The following HTR2C variants were observed in gnomAD, a reference collection of about 807,000 sequenced individuals.
HTR2C encodes the protein 5-hydroxytryptamine receptor 2C, also known as 5-hydroxytryptamine (serotonin) receptor 2C, G protein-coupled.
A neutral mutation model predicts 21.0 loss-of-function variants in HTR2C; 5 were observed. The observed-to-expected ratio is 0.24, with a 90% CI of 0.12 to 0.50. HTR2C has a LOEUF of 0.50. Ranked by LOEUF, HTR2C falls within the 20% of genes least tolerant of loss-of-function variation. HTR2C has a pLI of 0.98. For synonymous variants in HTR2C, 150 were observed against 145.3 expected (o/e 1.03, Z -0.23); for missense variants, 271 against 371.2 (o/e 0.73, Z 2.22).
chrX:114,677,954 C>CT (rs369562089), intron 2 of HTR2C, among the ~76,000 whole-genome samples: 3,012 of 107,431 alleles, frequency 0.028, 115 homozygotes, highest in African/African-American at 0.097. Context: ...CTAAAGCACT[C>CT]TTTTTTTTTT....
intron 4 of HTR2C, among the ~76,000 whole-genome samples, chrX:114,782,739 G>C (rs935345367): frequency 1.5e-4 from 17 of 110,797 alleles, no homozygotes; most frequent in Non-Finnish European, 2.6e-4. Flanking sequence ...TGTCAAAATA[G>C]TGTCGTAAGT....
intron 5 of HTR2C, among the ~76,000 whole-genome samples, chrX:114,871,979 C>G (rs1556476647): frequency 1.1e-5 from 1 of 94,603 alleles, no homozygotes; most frequent in African/African-American, 3.6e-5. Context: ...CCTTATAATA[C>G]AGTTTATTTG....
intron 2 of HTR2C, among the ~76,000 whole-genome samples, chrX:114,644,519 A>G (rs1186957034): frequency 9.9e-6 from 1 of 101,032 alleles, no homozygotes; most frequent in Non-Finnish European, 2.0e-5. Context: ...GATTACTAGA[A>G]CCATTGCATT....
chrX:114,672,133 G>A lies in HTR2C; in HGVS notation c.-79-54725G>A, dbSNP rs6644067. 2.9e-3 allele frequency among the ~76,000 whole-genome samples: 329 copies of A among 112,218 alleles called. 5 individuals are homozygous for A. In the East Asian group the frequency reaches 0.041, roughly 14 times the overall value. The stretch of plus-strand genomic sequence containing the variant: ...GAGCATTTGCCTTTATAAGAGAGAA[G>A]TGCTAAATCTGAAAAGTAGAGTAAC... On this transcript the variant is annotated intron_variant, in intron 2 of 5. Coordinates refer to ENST00000276198, the MANE Select transcript of HTR2C (RefSeq NM_000868.4).
At chrX:114,688,320 CAAA>C (rs61292601) in intron 2 of HTR2C, among the ~76,000 whole-genome samples, 12 of 77,559 alleles carry the variant, frequency 1.5e-4, no homozygotes, top group Admixed American at 1.5e-4. Flanking sequence ...GACTCCATCT[CAAA>C]AAAAAAAAAA....
intron 4 of HTR2C, among the ~76,000 whole-genome samples, chrX:114,767,979 T>C (rs931371497): frequency 3.1e-4 from 34 of 110,528 alleles, no homozygotes; most frequent in Non-Finnish European, 5.5e-4. Flanking sequence ...CCACTAAACA[T>C]TATAGTATAA....
At chrX:114,887,817 C>T (rs1208098957) in intron 5 of HTR2C, among the ~76,000 whole-genome samples, 13 of 110,064 alleles carry the variant, frequency 1.2e-4, no homozygotes, top group African/African-American at 4.0e-4. Flanking sequence ...GTCAGGAGTT[C>T]GAGACCAGCC....
Position 114,604,469 on chromosome X carries a change from A to T in HTR2C, c.-146-9346A>T, listed in dbSNP as rs937972146. ...GTGGGTAGCCTCCGTATTGATTAAG[A>T]AGGTAATCACTTACCTTCCACTGTG... On this transcript the variant is annotated intron_variant, in intron 1 of 5. Transcript: ENST00000276198. Among the ~76,000 whole-genome samples the T allele has an allele frequency of 1.8e-3, 202 of 110,113 alleles. 1 individual carries two copies. The highest frequency in any genetic ancestry group is 2.7e-3 in the Non-Finnish European group (142 of 52,670).
At chrX:114,752,882 TA>T (rs372327141) in intron 4 of HTR2C, among the ~76,000 whole-genome samples, 5 of 106,832 alleles carry the variant, frequency 4.7e-5, no homozygotes, top group South Asian at 8.0e-4. Context: ...TAGGCTCATC[TA>T]AAAAAAAAAC....
At chrX:114,747,905 T>A (rs1200337251) in intron 4 of HTR2C, among the ~76,000 whole-genome samples, 2 of 112,246 alleles carry the variant, frequency 1.8e-5, no homozygotes, top group African/African-American at 6.5e-5. Context: ...GCTGACACCT[T>A]GATTGCAGCC....
chrX:114,852,848 C>T (rs184690038), intron 5 of HTR2C, among the ~76,000 whole-genome samples: 2 of 108,808 alleles, frequency 1.8e-5, no homozygotes, highest in Admixed American at 9.9e-5. Context: ...TGTGCGCGCG[C>T]GCGTGCATGT....
intron 1 of HTR2C, among the ~76,000 whole-genome samples, chrX:114,601,990 A>T (rs1602627908): frequency 9.8e-6 from 1 of 102,554 alleles, no homozygotes; most frequent in African/African-American, 3.6e-5. Context: ...ATGGTTTTGG[A>T]TGAATTGAAA....
chrX:114,601,226 G>A lies in HTR2C; in HGVS notation c.-146-12589G>A, dbSNP rs782015401. ...AGCAAGAAGACAGTTGAGAGGAAGA[G>A]ATAGGCTTGCAAATCAAGGTACAGA... is the stretch of plus-strand genomic sequence containing the variant. On this transcript the variant is annotated intron_variant, in intron 1 of 5. Transcript: ENST00000276198. Among the ~76,000 whole-genome samples the A allele has an allele frequency of 6.3e-5, 7 of 111,351 alleles. No individual in the cohort carries two copies. In the South Asian group the frequency reaches 2.6e-3, roughly 42 times the overall value.
At chrX:114,626,985 C>T (rs1403099384) in intron 2 of HTR2C, among the ~76,000 whole-genome samples, 1 of 111,578 alleles carries the variant, frequency 9.0e-6, no homozygotes, top group Non-Finnish European at 1.9e-5. Flanking sequence ...GTTATGATAT[C>T]ATGGCCTACA....
intron 2 of HTR2C, among the ~76,000 whole-genome samples, chrX:114,688,458 A>C (rs1165571714): frequency 8.9e-6 from 1 of 111,971 alleles, no homozygotes; most frequent in Non-Finnish European, 1.9e-5. Context: ...ATAAACATAC[A>C]TAAGCAACCA....
chrX:114,622,458 A>G (rs782315305), intron 2 of HTR2C, among the ~76,000 whole-genome samples: 2 of 110,991 alleles, frequency 1.8e-5, no homozygotes, highest in East Asian at 5.7e-4. Flanking sequence ...GCTTTTGGAA[A>G]CTCTCTTCTC....
intron 2 of HTR2C, among the ~76,000 whole-genome samples, chrX:114,638,976 A>G (rs950319248): frequency 2.3e-4 from 25 of 110,962 alleles, no homozygotes; most frequent in African/African-American, 8.2e-4. Flanking sequence ...TAATGCCGCA[A>G]TAAACATACA....
intron 4 of HTR2C, among the ~76,000 whole-genome samples, chrX:114,816,720 C>G (rs1057235504): frequency 9.1e-6 from 1 of 109,954 alleles, no homozygotes; most frequent in African/African-American, 3.3e-5. Flanking sequence ...GAAGATTAAG[C>G]ATAAAAAAAT....
intron 5 of HTR2C, among the ~76,000 whole-genome samples, chrX:114,898,170 T>C (rs1472180486): frequency 4.4e-5 from 5 of 112,894 alleles, no homozygotes; most frequent in Non-Finnish European, 7.5e-5. Context: ...ATGTTGAGCT[T>C]GTTTTCATGT....
Sources: gnomAD v4.1 joint callset for allele counts (sites outside exome capture counted in the v4.1 genomes callset) on GRCh38, gnomAD v4.1.1 for gene constraint, MANE v1.5 for transcripts, NCBI Gene and HGNC (gene_info 2026-07-23, HGNC 2026-07-21) for gene names.